WDR74: variants seen among roughly 807,000 people sequenced by gnomAD.
The protein encoded by WDR74 is WD repeat-containing protein 74.
In WDR74, 31 loss-of-function variants were observed where a neutral mutation model predicts 45.6. That is an observed-to-expected ratio of 0.68 (90% confidence interval 0.51 to 0.92). The LOEUF is 0.92. WDR74 is among the 40% of genes least tolerant of loss of function. WDR74 has a pLI of 0.00. For missense variants in WDR74, 455 were observed against 497.2 expected (o/e 0.92, Z 0.81); for synonymous variants, 191 against 192.4 (o/e 0.99, Z 0.06).
intron 8 of WDR74, 30 bp downstream of exon 8, chr11:62,834,246 C>T (rs2084924050): frequency 6.2e-7 from 1 of 1,613,734 alleles, no homozygotes; most frequent in Admixed American, 1.7e-5. Context: ...CTGCTCCTTC[C>T]TTTCCCCCAA....
rs772616601 is a variant in WDR74, at chr11:62,836,022, CAT to C, written c.306_307del (p.Val104GlyfsTer10). ...GACTCTGAGAATCCCAGAATCCACA[CAT>C]GTGATGAGGGTGCTGCAGAGAAAGG... On this transcript the variant is annotated frameshift_variant, in exon 4 of 11. Transcript: ENST00000278856. LOFTEE classifies it high-confidence loss of function. The C allele has an allele frequency of 1.1e-5, 18 of 1,592,772 alleles. No individual in the cohort carries two copies. The highest frequency in any genetic ancestry group is 6.9e-5 in the South Asian group (6 of 87,384).
At chr11:62,841,328 A>C (rs772239578), upstream of WDR74, among the ~76,000 whole-genome samples, 1 of 152,148 alleles carries the variant, frequency 6.6e-6, no homozygotes, top group Non-Finnish European at 1.5e-5. Context: ...AAAAAAATAA[A>C]TAAGAAATAA....
rs1565222061 is a variant in WDR74, at chr11:62,836,076, A to C, written c.294-40T>G. 5 of 1,541,468 alleles carry C rather than the reference A, an allele frequency of 3.2e-6. No homozygotes were observed. The South Asian group carries it at 4.8e-5, about 15-fold the overall frequency. ...TAGAGTTGGGATTTTTTAAGTGCTT[A>C]AACTCCTTGTTCTAATCTTTCTCTC... On this transcript the variant is annotated intron_variant, in intron 3 of 10. Transcript: ENST00000278856.
chr11:62,836,793 C>T, intron 3 of WDR74: 1 of 152,626 alleles, frequency 6.6e-6, no homozygotes, highest in Non-Finnish European at 1.5e-5. Flanking sequence ...GATAACTTGG[C>T]CAGGCACAGT....
Position 62,839,209 on chromosome 11 carries a change from C to T in WDR74, c.198G>A (p.Thr66=). 6.2e-7 allele frequency: 1 copy of T among 1,613,708 alleles called. No homozygotes were observed. Among genetic ancestry groups the T allele is most frequent in the Non-Finnish European group, 8.5e-7 (1 of 1,179,896 alleles). Residue 66 remains threonine, a synonymous_variant, in exon 3 of 11, where the codon ACG becomes ACA. Transcript: ENST00000278856. ...CATCCTCGGTGCTGAAGTGCTTCAC[C>T]GTCCTGTCCGCGCAGCCCACCAGCA... ...TQMLVGCADR[T]VKHFSTEDGI...
Position 62,839,123 on chromosome 11 carries a change from T to C in WDR74, c.284A>G (p.Gln95Arg), listed in dbSNP as rs2085004405. Reference sequence around the variant, plus strand: ...AGGGGATTGGTCTTACCCGTCGGCCTGGGCGAGGCCACGGAACATGCCCTC... The same window carrying C: ...AGGGGATTGGTCTTACCCGTCGGCCCGGGCGAGGCCACGGAACATGCCCTC... ...GGEGMFRGLA[Q>R]ADGTLITCVD... is the part of the protein sequence containing the mutation. Residue 95 changes from glutamine to arginine, a missense_variant, in exon 3 of 11, where the codon CAG (glutamine) becomes CGG (arginine). Physicochemically the swap from Gln to Arg is conservative, Grantham distance 43. Transcript: ENST00000278856. The C allele has an allele frequency of 3.1e-6, 5 of 1,613,412 alleles. No individual in the cohort carries two copies. The highest frequency in any genetic ancestry group is 1.7e-4 in the Middle Eastern group (1 of 5,904).
intron 3 of WDR74, among the ~76,000 whole-genome samples, chr11:62,838,437 G>T (rs2084991073): frequency 6.6e-6 from 1 of 151,864 alleles, no homozygotes; most frequent in South Asian, 2.1e-4. Context: ...TGACAGGCAT[G>T]AGCCACCACA....
upstream of WDR74, chr11:62,841,796 G>C (rs889708962): frequency 6.6e-6 from 1 of 152,128 alleles, no homozygotes; most frequent in African/African-American, 2.4e-5. Context: ...TTAGCCAAAA[G>C]GCCGAGAAGC....
chr11:62,841,175 G>A (rs1354294049), upstream of WDR74, among the ~76,000 whole-genome samples: 2 of 152,164 alleles, frequency 1.3e-5, no homozygotes, highest in Non-Finnish European at 2.9e-5. Flanking sequence ...AAATTCGCTG[G>A]GCGTGGTGGC....
At position 62,832,999 on chromosome 11, in the gene WDR74, GGAGAGCTCCTTGGGGCTGCTCCAAACCC is replaced by G. The variant is rs745348847; in HGVS notation, c.1083_1110del (p.Gly362LysfsTer23). On this transcript the variant is annotated frameshift_variant, in exon 11 of 11. Coordinates refer to ENST00000278856, the MANE Select transcript of WDR74 (RefSeq NM_001369450.1). LOFTEE classifies it high-confidence loss of function. ...CGCTTCTTCTTTCTCCGTCTCGTTT[GGAGAGCTCCTTGGGGCTGCTCCAAACCC>G]GAGAGCTTCCGCTTGGCAGCTGCCT... is the stretch of plus-strand genomic sequence containing the variant. The G allele has an allele frequency of 6.2e-7, 1 of 1,610,300 alleles. No individual in the cohort carries two copies. The highest frequency in any genetic ancestry group is 1.1e-5 in the South Asian group (1 of 90,508).
Position 62,839,562 on chromosome 11 carries a change from A to G in WDR74, c.9T>C (p.Ala3=). 7 of 1,610,212 alleles carry G rather than the reference A, an allele frequency of 4.3e-6. No individual in the cohort carries two copies. Among genetic ancestry groups the G allele is most frequent in the Non-Finnish European group, 5.9e-6 (7 of 1,178,002 alleles). ...ACACATGGTTCCAGCGTGCAGCAGC[A>G]GCCGCCATGACAAAGCCTGGAGGCA... MA[A]AAARWNHVWV... is the part of the protein sequence containing the mutation. The change falls in exon 1 of 11, where the codon GCT becomes GCC. Residue 3 remains alanine (A), a synonymous_variant. Coordinates refer to ENST00000278856, the MANE Select transcript of WDR74 (RefSeq NM_001369450.1).
upstream of WDR74, chr11:62,840,305 C>T (rs1382293800): frequency 1.3e-5 from 2 of 152,228 alleles, no homozygotes; most frequent in Non-Finnish European, 2.9e-5. Context: ...CGGTGAATCC[C>T]CGTCTCTACT....
upstream of WDR74, chr11:62,839,775 T>G: frequency 1.5e-6 from 1 of 670,384 alleles, no homozygotes; most frequent in Non-Finnish European, 2.5e-6. Flanking sequence ...CATTTTGCAC[T>G]TGGGGGTGAA....
At chr11:62,839,676 C>T (rs2085019727), upstream of WDR74, 7 of 1,357,930 alleles carry the variant, frequency 5.2e-6, no homozygotes, top group South Asian at 4.2e-5. Context: ...GTTTGAAGAG[C>T]CGAAACAGTA....
At chr11:62,839,770 T>C, upstream of WDR74, 1 of 687,576 alleles carries the variant, frequency 1.5e-6, no homozygotes, top group Non-Finnish European at 2.4e-6. Context: ...TTGATCATTT[T>C]GCACTTGGGG....
At chr11:62,838,977 A>G in intron 3 of WDR74, 137 bp downstream of exon 3, 1 of 1,249,466 alleles carries the variant, frequency 8.0e-7, no homozygotes, top group Non-Finnish European at 1.1e-6. Context: ...TGAACTACAT[A>G]AGGCAGAAAC....
chr11:62,835,781 G>C lies in WDR74; in HGVS notation c.430C>G (p.His144Asp). 1.2e-6 allele frequency: 2 copies of C among 1,613,790 alleles called. No individual in the cohort carries two copies. Among genetic ancestry groups the C allele is most frequent in the Non-Finnish European group, 1.7e-6 (2 of 1,179,814 alleles). Residue 144 changes from histidine to aspartate, a missense_variant, in exon 5 of 11, where the codon CAT becomes GAT. His to Asp is a moderately conservative substitution (Grantham distance 81). Transcript: ENST00000278856. ...CRMRQDPAHP[H>D]VVATGGKENA... is the part of the protein sequence containing the mutation. Reference sequence around the variant, plus strand: ...TCTTTCCCACCTGTGGCAACCACATGGGGGTGTGCTGGGTCTTGGCGCATC... The same window carrying C: ...TCTTTCCCACCTGTGGCAACCACATCGGGGTGTGCTGGGTCTTGGCGCATC...
chr11:62,835,327 T>C (rs1474262479), intron 6 of WDR74, 104 bp downstream of exon 6: 8 of 1,072,732 alleles, frequency 7.5e-6, no homozygotes, highest in Non-Finnish European at 8.3e-6. Context: ...CTTGCTCCTC[T>C]GAACTCAGAA....
At position 62,833,601 on chromosome 11, in the gene WDR74, C is replaced by T. The variant is rs753364668; in HGVS notation, c.978+17G>A. On this transcript the variant is annotated intron_variant, in intron 10 of 10. Coordinates refer to ENST00000278856, the MANE Select transcript of WDR74 (RefSeq NM_001369450.1). ...TCTATGCCCTTGGCTCCCACATTCCCGGGCCCAACTGCTCACCTCCCAGTT... is the reference window on the plus strand; with the variant it reads ...TCTATGCCCTTGGCTCCCACATTCCTGGGCCCAACTGCTCACCTCCCAGTT... 3.9e-6 allele frequency: 6 copies of T among 1,551,498 alleles called. No individual in the cohort carries two copies. The highest frequency in any genetic ancestry group is 1.2e-5 in the South Asian group (1 of 84,004).
Sources: gnomAD v4.1 joint callset for allele counts (sites outside exome capture counted in the v4.1 genomes callset) on GRCh38, gnomAD v4.1.1 for gene constraint, MANE v1.5 for transcripts, NCBI Gene and HGNC (gene_info 2026-07-23, HGNC 2026-07-21) for gene names.